Variants in FAM107B observed in about 807,000 individuals in gnomAD.
FAM107B encodes protein FAM107B.
A neutral mutation model predicts 31.5 loss-of-function variants in FAM107B; 21 were observed. That is an observed-to-expected ratio of 0.67 (90% confidence interval 0.47 to 0.96). The LOEUF (loss-of-function observed/expected upper bound fraction) is 0.96, where lower values mean the gene tolerates loss of function less well. Ranked by LOEUF, FAM107B falls within the 40% of genes least tolerant of loss-of-function variation. FAM107B has a pLI of 0.00. For missense variants in FAM107B, 452 were observed against 377.1 expected (o/e 1.20, Z -1.64); for synonymous variants, 157 against 141.5 (o/e 1.11, Z -0.78).
intron 1 of FAM107B, among the ~76,000 whole-genome samples, chr10:14,767,024 G>GTGTATA (rs1219301209): frequency 6.2e-4 from 10 of 16,240 alleles, no homozygotes; most frequent in Non-Finnish European, 1.8e-3. Flanking sequence ...TGATGTGTAT[G>GTGTATA]TATATATATA....
intron 2 of FAM107B, among the ~76,000 whole-genome samples, chr10:14,568,575 T>A: frequency 1.5e-5 from 2 of 135,980 alleles, no homozygotes. Flanking sequence ...GGAGGCTGGC[T>A]GATGATCTCA....
chr10:14,692,142 C>A (rs1010859277), intron 1 of FAM107B, among the ~76,000 whole-genome samples: 1 of 152,060 alleles, frequency 6.6e-6, no homozygotes, highest in Non-Finnish European at 1.5e-5. Context: ...GCTGGGAAGG[C>A]AATCGAGGGG....
intron 2 of FAM107B, among the ~76,000 whole-genome samples, chr10:14,638,438 C>A (rs1853555609): frequency 6.6e-6 from 1 of 152,314 alleles, no homozygotes; most frequent in African/African-American, 2.4e-5. Flanking sequence ...AGAAAATCCA[C>A]CTACTCCCAA....
chr10:14,635,222 A>G (rs1183497030), intron 2 of FAM107B, among the ~76,000 whole-genome samples: 1 of 152,120 alleles, frequency 6.6e-6, no homozygotes, highest in Non-Finnish European at 1.5e-5. Context: ...GTCAGGGGCC[A>G]TGGCAGCTGG....
rs529867331 is a variant in FAM107B, at chr10:14,580,226, G to A, written c.470-49711C>T. 2.6e-4 allele frequency among the ~76,000 whole-genome samples: 40 copies of A among 152,124 alleles called. 1 individual carries two copies. The highest frequency in any genetic ancestry group is 9.4e-4 in the African/African-American group (39 of 41,490). On this transcript the variant is annotated intron_variant, in intron 2 of 4. Transcript: ENST00000181796. ...TCCAAAAAAATTAGCTGGGCATGGTGGTGGGTGCCTGTAGCCCCAGCTACT... is the reference window on the plus strand; with the variant it reads ...TCCAAAAAAATTAGCTGGGCATGGTAGTGGGTGCCTGTAGCCCCAGCTACT...
At chr10:14,676,546 C>A (rs981739488) in intron 1 of FAM107B, among the ~76,000 whole-genome samples, 3 of 152,202 alleles carry the variant, frequency 2.0e-5, no homozygotes, top group African/African-American at 4.8e-5. Flanking sequence ...ATACATCCCA[C>A]AATAAAAATT....
rs1300159073 is a variant in FAM107B, at chr10:14,519,321, A to G, written c.*1869T>C. The G allele has an allele frequency of 6.6e-6, 1 of 152,148 alleles. No individual in the cohort carries two copies. The highest frequency in any genetic ancestry group is 1.5e-5 in the Non-Finnish European group (1 of 68,026). The allele number at this position is 152,148 out of a possible 1,614,324, so 9.4% of individuals were successfully genotyped here. ...ACATCTAGTTAGATAAAAAGATATGAGCCAGTCCCGAATCTTCATTTTACA... is the reference window on the plus strand; with the variant it reads ...ACATCTAGTTAGATAAAAAGATATGGGCCAGTCCCGAATCTTCATTTTACA... On this transcript the variant is annotated 3_prime_UTR_variant, in exon 5 of 5. Coordinates refer to ENST00000181796, the MANE Select transcript of FAM107B (RefSeq NM_031453.4).
At chr10:14,767,051 T>TAGAG (rs1833186256) in intron 1 of FAM107B, among the ~76,000 whole-genome samples, 12 of 31,824 alleles carry the variant, frequency 3.8e-4, no homozygotes, top group African/African-American at 6.6e-4. Flanking sequence ...TATATATATA[T>TAGAG]ATATAGAGAG....
intron 2 of FAM107B, among the ~76,000 whole-genome samples, chr10:14,664,414 G>T (rs1427740944): frequency 6.6e-6 from 1 of 152,020 alleles, no homozygotes; most frequent in Non-Finnish European, 1.5e-5. Flanking sequence ...ACAATGTTTT[G>T]GTTAACAGCA....
Position 14,521,966 on chromosome 10 carries a change from T to C in FAM107B, c.707A>G (p.Lys236Arg), listed in dbSNP as rs772333412. The change falls in exon 4 of 5, where the codon AAA (lysine) becomes AGA (arginine). Residue 236 changes from lysine to arginine, a missense_variant. Lys to Arg is a conservative substitution (Grantham distance 26, BLOSUM62 2). Coordinates refer to ENST00000181796, the MANE Select transcript of FAM107B (RefSeq NM_031453.4). ...CTTCTGCTTTATTACTTGGTCTCGTTTTCTTTTTTCCATCACCTTCTGCAA... is the reference window on the plus strand; with the variant it reads ...CTTCTGCTTTATTACTTGGTCTCGTCTTCTTTTTTCCATCACCTTCTGCAA... ...PELQKVMEKR[K>R]RDQVIKQKEE... 19 of 1,614,154 alleles carry C rather than the reference T, an allele frequency of 1.2e-5. No homozygotes were observed. In the South Asian group the frequency reaches 2.1e-4, roughly 18 times the overall value.
intron 2 of FAM107B, among the ~76,000 whole-genome samples, chr10:14,621,508 C>G (rs1853009575): frequency 6.6e-6 from 1 of 152,140 alleles, no homozygotes; most frequent in South Asian, 2.1e-4. Context: ...GCCAACGCCA[C>G]AGGGCAAGGA....
At chr10:14,632,354 G>A (rs979535152) in intron 2 of FAM107B, among the ~76,000 whole-genome samples, 27 of 142,592 alleles carry the variant, frequency 1.9e-4, no homozygotes, top group Admixed American at 1.0e-3. Flanking sequence ...GCTCACGCCT[G>A]TAATCCCAGC....
At position 14,763,762 on chromosome 10, in the gene FAM107B, A is replaced by C. The variant is rs1048520952; in HGVS notation, c.411+10491T>G. ...CCCTTACTGTCTCAAGTCTGACCCC[A>C]CCTAAAGCATCCAGCTTGGTCAAAA... On this transcript the variant is annotated intron_variant, in intron 1 of 4. Transcript: ENST00000181796. Among the ~76,000 whole-genome samples the C allele has an allele frequency of 3.9e-5, 6 of 152,152 alleles. No homozygotes were observed. In the South Asian group the frequency reaches 1.2e-3, roughly 32 times the overall value.
chr10:14,659,131 T>C (rs1323535992), intron 2 of FAM107B, among the ~76,000 whole-genome samples: 1 of 152,112 alleles, frequency 6.6e-6, no homozygotes, highest in East Asian at 1.9e-4. Context: ...ATTAAAGGCC[T>C]CCCATGAACC....
chr10:14,759,096 G>T (rs947236383), intron 1 of FAM107B, among the ~76,000 whole-genome samples: 1 of 151,434 alleles, frequency 6.6e-6, no homozygotes, highest in African/African-American at 2.4e-5. Context: ...GAAATCGCTT[G>T]AACCCAGGAG....
At chr10:14,589,093 A>G (rs900197437) in intron 2 of FAM107B, among the ~76,000 whole-genome samples, 2 of 151,794 alleles carry the variant, frequency 1.3e-5, no homozygotes, top group Non-Finnish European at 2.9e-5. Context: ...GAGGCAGGAG[A>G]ATCACTTGAG....
At chr10:14,700,221 C>T (rs1041224289) in intron 1 of FAM107B, among the ~76,000 whole-genome samples, 5 of 152,172 alleles carry the variant, frequency 3.3e-5, no homozygotes, top group Non-Finnish European at 7.3e-5. Flanking sequence ...GTGTGAGCCA[C>T]CGCGCCAGGC....
intron 4 of FAM107B, among the ~76,000 whole-genome samples, 154 bp downstream of exon 4, chr10:14,521,715 A>G (rs12254425): frequency 0.013 from 2,020 of 152,286 alleles, 48 homozygotes; most frequent in African/African-American, 0.046. Context: ...TGCCTTGAAC[A>G]TATTTGACCC....
At chr10:14,590,137 T>C (rs996952648) in intron 2 of FAM107B, among the ~76,000 whole-genome samples, 1 of 152,234 alleles carries the variant, frequency 6.6e-6, no homozygotes, top group Non-Finnish European at 1.5e-5. Flanking sequence ...CGTTGGTTTA[T>C]TCACCAAAAA....
Sources: gnomAD v4.1 joint callset for allele counts (sites outside exome capture counted in the v4.1 genomes callset) on GRCh38, gnomAD v4.1.1 for gene constraint, MANE v1.5 for transcripts, NCBI Gene and HGNC (gene_info 2026-07-23, HGNC 2026-07-21) for gene names.